CAST: variants seen among roughly 807,000 people sequenced by gnomAD.
CAST encodes calpastatin.
A neutral mutation model predicts 119.6 loss-of-function variants in CAST; 76 were observed. The observed-to-expected ratio is 0.64, with a 90% confidence interval of 0.53 to 0.77. The LOEUF (loss-of-function observed/expected upper bound fraction) is 0.77, where lower values mean the gene tolerates loss of function less well. Ranked by LOEUF, CAST falls within the 30% of genes least tolerant of loss-of-function variation. The pLI is 0.00. For synonymous variants in CAST, 319 were observed against 331.6 expected (o/e 0.96, Z 0.41); for missense variants, 953 against 946.5 (o/e 1.01, Z -0.09).
At chr5:96,350,206 T>C in the CAST span, among the ~76,000 whole-genome samples, 24 of 152,112 alleles carry the variant, frequency 1.6e-4, no homozygotes, top group Admixed American at 1.4e-3. Flanking sequence ...AAAGCAAATA[T>C]TGGGGAAAGA....
chr5:96,138,705 T>G, the CAST span, among the ~76,000 whole-genome samples: 1 of 151,970 alleles, frequency 6.6e-6, no homozygotes, highest in Non-Finnish European at 1.5e-5. Flanking sequence ...TATTTTATTT[T>G]ATTTTTTGGG....
At chr5:96,469,836 G>A in the CAST span, among the ~76,000 whole-genome samples, 1 of 140,704 alleles carries the variant, frequency 7.1e-6, no homozygotes, top group Non-Finnish European at 1.6e-5. Flanking sequence ...GAAAGACAGA[G>A]AGAGAGAGAA....
chr5:96,465,003 A>G, the CAST span, among the ~76,000 whole-genome samples: 2 of 152,076 alleles, frequency 1.3e-5, no homozygotes, highest in African/African-American at 4.8e-5. Flanking sequence ...ATATGGCAAG[A>G]ATTTACTTCT....
At chr5:96,463,659 A>G in the CAST span, among the ~76,000 whole-genome samples, 6 of 152,112 alleles carry the variant, frequency 3.9e-5, no homozygotes, top group East Asian at 1.2e-3. Flanking sequence ...TTAAAGGACT[A>G]TTTAAATGGC....
At chr5:96,318,621 C>T in the CAST span, 1 of 152,138 alleles carries the variant, frequency 6.6e-6, no homozygotes, top group African/African-American at 2.4e-5. Flanking sequence ...GCTATCATAC[C>T]CAAGGCCACA....
chr5:96,423,016 C>T, the CAST span, among the ~76,000 whole-genome samples: 1 of 152,176 alleles, frequency 6.6e-6, no homozygotes, highest in African/African-American at 2.4e-5. Context: ...ATGCCCCAAA[C>T]ACTGAGCAAC....
intron 1 of CAST, among the ~76,000 whole-genome samples, chr5:96,639,090 A>T (rs1015838791): frequency 2.0e-5 from 3 of 152,230 alleles, no homozygotes; most frequent in Non-Finnish European, 4.4e-5. Context: ...ATTAGATCAT[A>T]TACCAACATT....
the CAST span, among the ~76,000 whole-genome samples, chr5:96,480,102 C>T: frequency 8.5e-5 from 13 of 152,244 alleles, 1 homozygote; most frequent in African/African-American, 3.1e-4. Context: ...AAACATTAAC[C>T]ATTTCGGTGG....
chr5:96,159,935 A>G, the CAST span, among the ~76,000 whole-genome samples: 1 of 151,030 alleles, frequency 6.6e-6, no homozygotes, highest in African/African-American at 2.4e-5. Flanking sequence ...GTTCGAGAGC[A>G]GCCTAGCCAA....
At chr5:96,760,196 T>A (rs1193530310) in intron 24 of CAST, among the ~76,000 whole-genome samples, 1 of 152,022 alleles carries the variant, frequency 6.6e-6, no homozygotes, top group Non-Finnish European at 1.5e-5. Context: ...GTTACTTAAA[T>A]GTGTAGATGT....
At chr5:96,483,278 A>C in the CAST span, among the ~76,000 whole-genome samples, 27 of 152,212 alleles carry the variant, frequency 1.8e-4, no homozygotes, top group Non-Finnish European at 3.7e-4. Flanking sequence ...TTTAACAACC[A>C]GTATGGAACA....
intron 9 of CAST, among the ~76,000 whole-genome samples, chr5:96,732,109 A>T (rs1760650005): frequency 7.3e-6 from 1 of 136,644 alleles, no homozygotes; most frequent in Non-Finnish European, 1.5e-5. Context: ...ACTAGTTTAC[A>T]GTCCCACCAA....
At chr5:96,490,266 C>T in the CAST span, among the ~76,000 whole-genome samples, 1 of 152,136 alleles carries the variant, frequency 6.6e-6, no homozygotes, top group Non-Finnish European at 1.5e-5. Context: ...ACAAAGAACC[C>T]AACTGGCCCC....
chr5:96,730,219 A>G (rs2150445512), intron 8 of CAST, among the ~76,000 whole-genome samples: 1 of 152,376 alleles, frequency 6.6e-6, no homozygotes, highest in South Asian at 2.1e-4. Flanking sequence ...GCCACCTTTT[A>G]GAAGAATTAA....
At chr5:95,966,281 A>G in the CAST span, among the ~76,000 whole-genome samples, 1 of 152,166 alleles carries the variant, frequency 6.6e-6, no homozygotes, top group African/African-American at 2.4e-5. Flanking sequence ...CTAGCCTTGT[A>G]ATATGATGAT....
chr5:96,463,845 T>C, the CAST span, among the ~76,000 whole-genome samples: 1 of 152,108 alleles, frequency 6.6e-6, no homozygotes, highest in Non-Finnish European at 1.5e-5. Flanking sequence ...CCACCTCTGT[T>C]CATTTGACTT....
the CAST span, among the ~76,000 whole-genome samples, chr5:96,077,981 T>A: frequency 6.6e-6 from 1 of 152,180 alleles, no homozygotes; most frequent in African/African-American, 2.4e-5. Context: ...CATTAGAACA[T>A]TTTTTTCTTA....
chr5:96,282,800 T>C, the CAST span, among the ~76,000 whole-genome samples: 1 of 152,144 alleles, frequency 6.6e-6, no homozygotes, highest in Non-Finnish European at 1.5e-5. Flanking sequence ...TTTCCAACCT[T>C]GGCTGCAACT....
At chr5:96,245,934 G>A in the CAST span, among the ~76,000 whole-genome samples, 2 of 152,050 alleles carry the variant, frequency 1.3e-5, no homozygotes, top group African/African-American at 4.8e-5. Context: ...CGCAGGACCC[G>A]GCTGAATCTA....
Sources: allele counts gnomAD v4.1 joint callset (sites outside exome capture counted in the v4.1 genomes callset), GRCh38; gene constraint gnomAD v4.1.1; transcripts MANE v1.5; gene names NCBI Gene and HGNC (gene_info 2026-07-23, HGNC 2026-07-21).